The following SLC2A12 variants were observed in gnomAD, a reference collection of about 807,000 sequenced individuals.
SLC2A12 encodes solute carrier family 2, facilitated glucose transporter member 12.
A neutral mutation model predicts 41.8 loss-of-function variants in SLC2A12; 23 were observed. The observed-to-expected ratio is 0.55, with a 90% CI of 0.40 to 0.78. The LOEUF (loss-of-function observed/expected upper bound fraction) is 0.78, where lower values mean the gene tolerates loss of function less well. Among genes scored for constraint, SLC2A12 ranks in the 30% least tolerant of loss-of-function variants. The pLI, the probability that SLC2A12 is intolerant of heterozygous loss-of-function variation, is 0.00. For missense variants in SLC2A12, 654 were observed against 745.6 expected, an observed-to-expected ratio of 0.88 and a Z score of 1.43; for synonymous variants, 295 against 285.9, an observed-to-expected ratio of 1.03 and a Z score of -0.32.
chr6:133,990,619 T>TA lies in SLC2A12; in HGVS notation c.*535dup, dbSNP rs1776607229. ...ATACTTGTTGAATGTAACTAGGAAT[T>TA]ACCACTAAAATCCTAGCCAGGACCC... On this transcript the variant is annotated 3_prime_UTR_variant, in exon 5 of 5. Coordinates refer to ENST00000275230, the MANE Select transcript of SLC2A12 (RefSeq NM_145176.3). The TA allele has an allele frequency of 6.6e-6, 1 of 152,254 alleles. No individual in the cohort carries two copies. The highest frequency in any genetic ancestry group is 2.4e-5 in the African/African-American group (1 of 41,454). The allele number at this position is 152,254 out of a possible 1,614,324, so 9.4% of individuals were successfully genotyped here.
rs57165536 is a variant in SLC2A12 at position 134,049,493 on chromosome 6, C to A, written c.103+2885G>T. On this transcript the variant is annotated intron_variant, in intron 1 of 4. Transcript: ENST00000275230. ...CACCATCCTCTGTGTGACCGTGGGCCGATCACACATCTTTTGACCTCAGAT... is the reference window on the plus strand; with the variant it reads ...CACCATCCTCTGTGTGACCGTGGGCAGATCACACATCTTTTGACCTCAGAT... Among the ~76,000 whole-genome samples the A allele has an allele frequency of 3.7e-3, 562 of 152,228 alleles. 3 individuals are homozygous for A. The highest frequency in any genetic ancestry group is 0.013 in the African/African-American group (548 of 41,542).
chr6:134,021,677 C>A (rs557405254), intron 2 of SLC2A12, among the ~76,000 whole-genome samples: 1 of 152,166 alleles, frequency 6.6e-6, no homozygotes, highest in Non-Finnish European at 1.5e-5. Flanking sequence ...AAGGTCACAC[C>A]ACCAGTAAGT....
At chr6:133,991,736 G>A (rs1776626297) in intron 4 of SLC2A12, among the ~76,000 whole-genome samples, 2 of 152,276 alleles carry the variant, frequency 1.3e-5, no homozygotes, top group South Asian at 4.1e-4. Flanking sequence ...ATAAAAAGAT[G>A]CTATTGTATT....
At chr6:134,023,570 G>A (rs376349067) in intron 2 of SLC2A12, among the ~76,000 whole-genome samples, 11 of 152,180 alleles carry the variant, frequency 7.2e-5, no homozygotes, top group Admixed American at 1.3e-4. Flanking sequence ...GGAAATAAGC[G>A]AGAGTCATCA....
chr6:134,021,517 C>T (rs1582611028), intron 2 of SLC2A12, among the ~76,000 whole-genome samples: 1 of 152,334 alleles, frequency 6.6e-6, no homozygotes, highest in East Asian at 1.9e-4. Context: ...TTGTAACTTA[C>T]ATTATATCAT....
chr6:133,991,426 A>G (rs1270516294), intron 4 of SLC2A12, 118 bp from the exon 5 acceptor site: 15 of 1,132,122 alleles, frequency 1.3e-5, no homozygotes, highest in East Asian at 7.3e-5. Context: ...GCAAAAATAA[A>G]TACACATTTT....
At chr6:134,049,803 C>A (rs1773648267) in intron 1 of SLC2A12, among the ~76,000 whole-genome samples, 1 of 152,192 alleles carries the variant, frequency 6.6e-6, no homozygotes, top group African/African-American at 2.4e-5. Context: ...TCACTGTGCA[C>A]AATAGCATCA....
chr6:134,049,099 G>A (rs1773634992), intron 1 of SLC2A12, among the ~76,000 whole-genome samples: 1 of 152,184 alleles, frequency 6.6e-6, no homozygotes, highest in Non-Finnish European at 1.5e-5. Context: ...GGAGTTCACA[G>A]CTTTAAAAGC....
Position 133,991,246 on chromosome 6 carries a change from T to G in SLC2A12, c.1763A>C (p.Gln588Pro), listed in dbSNP as rs760598885. Reference sequence around the variant, plus strand: ...CTCCTGGGGTTTTCTTTTTTGAGGCTGTTTTGGCACTAATTCTTCTTGGTG... The same window carrying G: ...CTCCTGGGGTTTTCTTTTTTGAGGCGGTTTTGGCACTAATTCTTCTTGGTG... Reference protein sequence around the residue: ...SHHQEELVPKQPQKRKPQEQL... With the variant: ...SHHQEELVPKPPQKRKPQEQL... The change falls in exon 5 of 5, where the codon CAG becomes CCG. Residue 588 changes from glutamine to proline, a missense_variant. By Grantham distance (76) the Gln-to-Pro change is moderately conservative. This residue lies in a region of SLC2A12 where 134 missense variants were observed against 180.5 expected (regional missense o/e 0.74). Coordinates refer to ENST00000275230, the MANE Select transcript of SLC2A12 (RefSeq NM_145176.3). 6.2e-7 allele frequency: 1 copy of G among 1,614,166 alleles called. No homozygotes were observed. Among genetic ancestry groups the G allele is most frequent in the South Asian group, 1.1e-5 (1 of 91,074 alleles).
chr6:134,014,821 G>C (rs2306650), intron 2 of SLC2A12, among the ~76,000 whole-genome samples: 28,030 of 152,194 alleles, frequency 0.18, 2,702 homozygotes, highest in East Asian at 0.31. Flanking sequence ...TGCCCATGGT[G>C]ACAGGACTGA....
At chr6:134,006,968 A>T (rs756071246) in intron 2 of SLC2A12, 34 bp from the exon 3 acceptor site, 3 of 1,612,430 alleles carry the variant, frequency 1.9e-6, no homozygotes, top group Admixed American at 1.7e-5. Context: ...GGCGGACAGC[A>T]CATTTAGCAA....
chr6:134,049,653 C>T (rs1475993526), intron 1 of SLC2A12, among the ~76,000 whole-genome samples: 1 of 150,264 alleles, frequency 6.7e-6, no homozygotes, highest in East Asian at 1.9e-4. Context: ...TCCATGAAAG[C>T]TGAAAAAATT....
chr6:134,016,000 T>C (rs898760393), intron 2 of SLC2A12, among the ~76,000 whole-genome samples: 33 of 152,266 alleles, frequency 2.2e-4, no homozygotes, highest in Middle Eastern at 3.4e-3. Context: ...TTTTCAAAAT[T>C]CTAGTTTGTT....
At chr6:134,048,222 G>C (rs1015307114) in intron 1 of SLC2A12, among the ~76,000 whole-genome samples, 4 of 152,148 alleles carry the variant, frequency 2.6e-5, no homozygotes, top group Admixed American at 2.0e-4. Flanking sequence ...GGACTGAAAG[G>C]GGAGATATTT....
rs1486152408 is a variant in SLC2A12, at chr6:133,987,642, G to GTATA, written c.*3512_*3513insTATA. The GTATA allele has an allele frequency of 2.3e-5, 3 of 130,442 alleles. No individual in the cohort carries two copies. The highest frequency in any genetic ancestry group is 9.3e-5 in the African/African-American group (3 of 32,276). 8.1% of individuals were successfully genotyped at this position (130,442 alleles called of 1,614,324 possible). A position where few individuals can be genotyped will look rare whatever the true frequency, so the allele number is the denominator to read the frequency against. On this transcript the variant is annotated 3_prime_UTR_variant, in exon 5 of 5. Transcript: ENST00000275230. ...GTGTATTTTGTGTGTGTGTGTGTGT[G>GTATA]TGTGTGTATATATATATATATATAT...
intron 3 of SLC2A12, among the ~76,000 whole-genome samples, chr6:134,004,523 T>C (rs540131913): frequency 1.2e-4 from 18 of 152,348 alleles, no homozygotes; most frequent in African/African-American, 4.3e-4. Flanking sequence ...TTGAAAATTG[T>C]ATCTATAAAG....
chr6:134,014,713 CT>C (rs1299887971), intron 2 of SLC2A12, among the ~76,000 whole-genome samples: 3 of 152,170 alleles, frequency 2.0e-5, no homozygotes, highest in Non-Finnish European at 4.4e-5. Flanking sequence ...ACTTTAACAT[CT>C]TTTACAGTCC....
At chr6:134,010,726 C>T (rs562507246) in intron 2 of SLC2A12, among the ~76,000 whole-genome samples, 4 of 152,254 alleles carry the variant, frequency 2.6e-5, no homozygotes, top group African/African-American at 9.6e-5. Context: ...ATGAAATCCA[C>T]AGACAGCGTG....
At position 134,052,564 on chromosome 6, in the gene SLC2A12, A is replaced by T. The variant is rs548921106; in HGVS notation, c.-84T>A. 9.9e-7 allele frequency: 1 copy of T among 1,005,418 alleles called. No individual in the cohort carries two copies. The highest frequency in any genetic ancestry group is 2.4e-5 in the East Asian group (1 of 41,660). 62.3% of individuals were successfully genotyped at this position (1,005,418 alleles called of 1,614,324 possible). On this transcript the variant is annotated 5_prime_UTR_variant, in exon 1 of 5. Transcript: ENST00000275230. ...CCCAGGAGTGGTCACTTTCCCCATAATAGCATGCTAAAGAAGAGTGTGGGG... is the reference window on the plus strand; with the variant it reads ...CCCAGGAGTGGTCACTTTCCCCATATTAGCATGCTAAAGAAGAGTGTGGGG...
Sources: allele counts gnomAD v4.1 joint callset (sites outside exome capture counted in the v4.1 genomes callset), GRCh38; gene constraint gnomAD v4.1.1; regional missense constraint gnomAD v4.1.1; transcripts MANE v1.5; gene names NCBI Gene and HGNC (gene_info 2026-07-23, HGNC 2026-07-21).